The following RIMBP2 variants were observed in gnomAD, a reference collection of about 807,000 sequenced individuals.
RIMBP2 encodes RIMS binding protein 2, also known as RIMS-binding protein 2.
RIMBP2 carries 48 observed loss-of-function variants against 118.6 expected under a neutral mutation model. The ratio of observed to expected loss-of-function variants is 0.40; its 90% CI spans 0.32 to 0.51. The LOEUF is 0.51. Among genes scored for constraint, RIMBP2 ranks in the 20% least tolerant of loss-of-function variants. The probability of loss-of-function intolerance (pLI) is 0.41; values close to 1 mark genes in which losing one functional copy is unlikely to be tolerated. For missense variants in RIMBP2, 1,551 were observed against 1,768.3 expected, an observed-to-expected ratio of 0.88 and a Z score of 2.20; for synonymous variants, 762 against 742.9, an observed-to-expected ratio of 1.03 and a Z score of -0.42.
chr12:130,693,953 C>T (rs1282655753), intron 1 of RIMBP2, among the ~76,000 whole-genome samples: 1 of 152,208 alleles, frequency 6.6e-6, no homozygotes, highest in Non-Finnish European at 1.5e-5. Flanking sequence ...AGCAGCAAGC[C>T]AGAGGGAGCC....
At chr12:130,545,965 A>G (rs1217712625) in intron 2 of RIMBP2, among the ~76,000 whole-genome samples, 1 of 152,194 alleles carries the variant, frequency 6.6e-6, no homozygotes, top group Non-Finnish European at 1.5e-5. Flanking sequence ...TAGGGAAAAA[A>G]TCTTAACACA....
chr12:130,532,482 T>C (rs58001555), intron 2 of RIMBP2, among the ~76,000 whole-genome samples: 1 of 142,322 alleles, frequency 7.0e-6, no homozygotes, highest in African/African-American at 2.8e-5. Flanking sequence ...CTCTAGGAGT[T>C]ACGTCTAATG....
intron 3 of RIMBP2, among the ~76,000 whole-genome samples, chr12:130,513,463 C>T (rs775120344): frequency 3.9e-5 from 6 of 152,164 alleles, no homozygotes; most frequent in East Asian, 3.8e-4. Context: ...CTCAATGTGA[C>T]GAAAACCTTG....
intron 1 of RIMBP2, among the ~76,000 whole-genome samples, chr12:130,669,463 T>G (rs2064102158): frequency 6.6e-6 from 1 of 151,988 alleles, no homozygotes; most frequent in African/African-American, 2.4e-5. Context: ...CACGGGGCGG[T>G]TTCCCCGTGC....
At chr12:130,663,758 C>T (rs903073239) in intron 1 of RIMBP2, among the ~76,000 whole-genome samples, 1 of 151,730 alleles carries the variant, frequency 6.6e-6, no homozygotes, top group Non-Finnish European at 1.5e-5. Context: ...TTTGGGTTCA[C>T]TGGCTTCCTG....
At chr12:130,689,145 C>T (rs7305624) in intron 1 of RIMBP2, among the ~76,000 whole-genome samples, 10,133 of 152,256 alleles carry the variant, frequency 0.067, 1,128 homozygotes, top group African/African-American at 0.23. Context: ...CTGCACCAAA[C>T]ATGAGGGGCT....
At chr12:130,541,320 C>A (rs948571607) in intron 2 of RIMBP2, among the ~76,000 whole-genome samples, 6 of 152,188 alleles carry the variant, frequency 3.9e-5, no homozygotes, top group Admixed American at 3.9e-4. Flanking sequence ...ACAGAGGGAT[C>A]CCTCTAGGAT....
intron 14 of RIMBP2, chr12:130,429,256 GA>G (rs1353613374): frequency 6.6e-6 from 1 of 152,256 alleles, no homozygotes; most frequent in Non-Finnish European, 1.5e-5. Context: ...AGCATGAGAC[GA>G]AGATTGTGCA....
At chr12:130,556,086 A>G (rs980467252) in intron 2 of RIMBP2, among the ~76,000 whole-genome samples, 2 of 152,150 alleles carry the variant, frequency 1.3e-5, no homozygotes, top group African/African-American at 4.8e-5. Flanking sequence ...CTAGATTCTG[A>G]CCGGGGAGTC....
chr12:130,504,851 C>T (rs1339496706), intron 4 of RIMBP2, among the ~76,000 whole-genome samples: 4 of 152,206 alleles, frequency 2.6e-5, no homozygotes, highest in Non-Finnish European at 5.9e-5. Context: ...CCCTGGCCTC[C>T]CCTTCCCCAG....
At position 130,492,929 on chromosome 12, in the gene RIMBP2, A is replaced by G. The variant is rs532606476; in HGVS notation, c.-4+13719T>C. 3.3e-5 allele frequency among the ~76,000 whole-genome samples: 5 copies of G among 152,348 alleles called. No individual in the cohort carries two copies. In the South Asian group the frequency reaches 6.2e-4, roughly 19 times the overall value. ...TGGATTGCTTGAGTCCAGAAGTTTG[A>G]GACCAGCCTAGGCAATATGGCAAAA... On this transcript the variant is annotated intron_variant, in intron 4 of 22. Transcript: ENST00000690449.
At chr12:130,639,643 G>A (rs764469004) in intron 1 of RIMBP2, among the ~76,000 whole-genome samples, 2 of 152,018 alleles carry the variant, frequency 1.3e-5, no homozygotes, top group East Asian at 1.9e-4. Flanking sequence ...TCAGCAGGCT[G>A]GGCTCATTCA....
rs2059629123 is a variant in RIMBP2 at position 130,597,505 on chromosome 12, T to C, written c.-217+30817A>G. 2.0e-5 allele frequency among the ~76,000 whole-genome samples: 3 copies of C among 152,234 alleles called. No homozygotes were observed. In the South Asian group the frequency reaches 6.2e-4, roughly 31 times the overall value. ...ATCCGCCTGCCTCAGTCTCCCAAAGTGCTGGGATTACAGGCGTGAGCCACC... is the reference window on the plus strand; with the variant it reads ...ATCCGCCTGCCTCAGTCTCCCAAAGCGCTGGGATTACAGGCGTGAGCCACC... On this transcript the variant is annotated intron_variant, in intron 2 of 22. Transcript: ENST00000690449.
intron 2 of RIMBP2, among the ~76,000 whole-genome samples, chr12:130,564,393 T>C (rs1035578496): frequency 2.0e-5 from 3 of 152,226 alleles, no homozygotes; most frequent in Non-Finnish European, 2.9e-5. Context: ...TCTAACATTT[T>C]AAAAATTGGG....
intron 5 of RIMBP2, among the ~76,000 whole-genome samples, chr12:130,471,353 T>C (rs959275948): frequency 6.6e-6 from 1 of 152,234 alleles, no homozygotes; most frequent in African/African-American, 2.4e-5. Context: ...TCATTTCTTG[T>C]CCTCACAGGC....
At chr12:130,484,095 C>T (rs1053202667) in intron 4 of RIMBP2, among the ~76,000 whole-genome samples, 1 of 152,174 alleles carries the variant, frequency 6.6e-6, no homozygotes, top group African/African-American at 2.4e-5. Flanking sequence ...AGTCTGCCGG[C>T]GACTGTCACT....
chr12:130,653,148 C>T (rs1229784840), intron 1 of RIMBP2, among the ~76,000 whole-genome samples: 1 of 152,214 alleles, frequency 6.6e-6, no homozygotes, highest in African/African-American at 2.4e-5. Context: ...AGCATTTACT[C>T]AGAAGTCCCA....
chr12:130,681,889 G>C (rs953737086), intron 1 of RIMBP2, among the ~76,000 whole-genome samples: 45 of 151,996 alleles, frequency 3.0e-4, no homozygotes, highest in Non-Finnish European at 1.5e-5. Context: ...TAGGTACAGG[G>C]TATCACCATG....
chr12:130,675,725 A>G (rs950093950), intron 1 of RIMBP2, among the ~76,000 whole-genome samples: 1 of 152,232 alleles, frequency 6.6e-6, no homozygotes, highest in Non-Finnish European at 1.5e-5. Flanking sequence ...ACTCCGATAT[A>G]AAGTCTGGAG....
Sources: allele counts gnomAD v4.1 joint callset (sites outside exome capture counted in the v4.1 genomes callset), GRCh38; gene constraint gnomAD v4.1.1; transcripts MANE v1.5; gene names NCBI Gene and HGNC (gene_info 2026-07-23, HGNC 2026-07-21).